The following NUP93 variants were observed in gnomAD, a reference collection of about 807,000 sequenced individuals.
NUP93 encodes the protein nucleoporin 93, also known as nuclear pore complex protein Nup93.
NUP93 carries 55 observed loss-of-function variants against 107.8 expected under a neutral mutation model. The observed-to-expected ratio is 0.51, with a 90% CI of 0.41 to 0.64. The LOEUF (loss-of-function observed/expected upper bound fraction) is 0.64. Ranked by LOEUF, NUP93 falls within the 30% of genes least tolerant of loss-of-function variation. NUP93 has a pLI of 0.00. For missense variants in NUP93, 937 were observed against 1,044.7 expected, an observed-to-expected ratio of 0.90 and a Z score of 1.42; for synonymous variants, 390 against 397.5, an observed-to-expected ratio of 0.98 and a Z score of 0.22.
rs1452955039 is a variant in NUP93 at position 56,847,591 on chromosome 16, C to CA, written c.*2983dup. On this transcript the variant is annotated 3_prime_UTR_variant, in exon 22 of 22. Transcript: ENST00000308159. The stretch of plus-strand genomic sequence containing the variant: ...GTACTGACTTGATCTGGATCCTTTT[C>CA]AGAGGCCTGGAGATTTAATTTCACA... 2 of 152,204 alleles carry CA rather than the reference C, an allele frequency of 1.3e-5. No individual in the cohort carries two copies. The highest frequency in any genetic ancestry group is 2.9e-5 in the Non-Finnish European group (2 of 68,044). The allele number at this position is 152,204 out of a possible 1,614,324, so 9.4% of individuals were successfully genotyped here.
rs76195679 is a variant in NUP93 at position 56,738,428 on chromosome 16, T to G, written c.-15+8217T>G. On this transcript the variant is annotated intron_variant, in intron 1 of 21. Transcript: ENST00000308159. Reference sequence around the variant, plus strand: ...CAGGAAAGCTGATACTACCCATTCCTTATTGCAAACATTGAGTCACTGAGG... The same window carrying G: ...CAGGAAAGCTGATACTACCCATTCCGTATTGCAAACATTGAGTCACTGAGG... 5.7e-3 allele frequency among the ~76,000 whole-genome samples: 870 copies of G among 152,384 alleles called. 14 individuals carry two copies. Among genetic ancestry groups the G allele is most frequent in the Admixed American group, 0.045 (687 of 15,308 alleles).
At chr16:56,769,199 A>G (rs1962274464) in intron 3 of NUP93, among the ~76,000 whole-genome samples, 1 of 152,220 alleles carries the variant, frequency 6.6e-6, no homozygotes, top group African/African-American at 2.4e-5. Flanking sequence ...AGGATGTATT[A>G]GAAGGAGGAA....
At chr16:56,802,191 G>A (rs1405021809) in intron 4 of NUP93, among the ~76,000 whole-genome samples, 2 of 152,136 alleles carry the variant, frequency 1.3e-5, no homozygotes, top group Non-Finnish European at 2.9e-5. Context: ...GGAGAGGCTA[G>A]AGGCTGAGGA....
chr16:56,732,384 C>T (rs1400489821), intron 1 of NUP93, among the ~76,000 whole-genome samples: 1 of 152,182 alleles, frequency 6.6e-6, no homozygotes, highest in Non-Finnish European at 1.5e-5. Context: ...ATGAGACAGG[C>T]CTGCCCTCAT....
In NUP93 at chr16:56,837,675, C is replaced by T. The variant is rs758034157; in HGVS notation, c.1967C>T (p.Pro656Leu). The change falls in exon 18 of 22, where the codon CCG (proline) becomes CTG (leucine). Residue 656 changes from proline to leucine, a missense_variant. By Grantham distance (98) the Pro-to-Leu change is moderately conservative. Transcript: ENST00000308159. ...LSPVVPQISA[P>L]QSNKERLKNM... ...CCTGTCGTCCCCCAGATCAGTGCCC[C>T]GCAATCCAACAAGGAGAGGCTGAAG... 23 of 1,614,028 alleles carry T rather than the reference C, an allele frequency of 1.4e-5. No homozygotes were observed. Among genetic ancestry groups the T allele is most frequent in the Middle Eastern group, 1.6e-4 (1 of 6,084 alleles).
chr16:56,805,615 T>G lies in NUP93; in HGVS notation c.472T>G (p.Phe158Val), dbSNP rs1963121244. The change falls in exon 5 of 22, where the codon TTT (phenylalanine) becomes GTT (valine). Residue 158 changes from phenylalanine (F) to valine (V), a missense_variant. Phe to Val is a conservative substitution (Grantham distance 50). Coordinates refer to ENST00000308159, the MANE Select transcript of NUP93 (RefSeq NM_014669.5). ...LLASGEDALDFTQESEPSYIS... is the reference protein window; with the variant it reads ...LLASGEDALDVTQESEPSYIS... ...GGCATCAGGAGAAGACGCCCTTGACTTTACTCAAGAAAGCGAGGTAGCTTG... is the reference window on the plus strand; with the variant it reads ...GGCATCAGGAGAAGACGCCCTTGACGTTACTCAAGAAAGCGAGGTAGCTTG... The G allele has an allele frequency of 1.2e-6, 2 of 1,613,696 alleles. No individual in the cohort carries two copies. Among genetic ancestry groups the G allele is most frequent in the African/African-American group, 2.7e-5 (2 of 74,904 alleles).
At chr16:56,769,620 C>T (rs1962283606) in intron 3 of NUP93, among the ~76,000 whole-genome samples, 1 of 152,098 alleles carries the variant, frequency 6.6e-6, no homozygotes, top group Non-Finnish European at 1.5e-5. Context: ...CTGTGAAATC[C>T]TGGAGCAGCT....
At chr16:56,833,474 A>C in intron 13 of NUP93, 68 bp downstream of exon 13, 2 of 1,265,182 alleles carry the variant, frequency 1.6e-6, no homozygotes, top group Non-Finnish European at 2.1e-6. Flanking sequence ...GACGGTGGCC[A>C]CAAAACCACA....
chr16:56,841,806 C>G lies in NUP93; in HGVS notation c.2322C>G (p.Pro774=). 1 of 1,614,216 alleles carries G rather than the reference C, an allele frequency of 6.2e-7. No homozygotes were observed. The highest frequency in any genetic ancestry group is 1.3e-5 in the African/African-American group (1 of 75,060). ...KGTSPSSSSR[P]QRVIEDRDSQ... The stretch of plus-strand genomic sequence containing the variant: ...CAAGTCCATCCTCGTCATCCAGGCC[C>G]CAGCGAGTCATCGAGGACCGCGACT... Residue 774 remains proline, a synonymous_variant, in exon 21 of 22, where the codon CCC becomes CCG. Transcript: ENST00000308159.
intron 10 of NUP93, among the ~76,000 whole-genome samples, chr16:56,830,952 G>T (rs1963772280): frequency 6.6e-6 from 1 of 152,178 alleles, no homozygotes; most frequent in Non-Finnish European, 1.5e-5. Context: ...AGGTTTAGGA[G>T]CATGATTTGA....
chr16:56,788,520 A>T lies in NUP93; in HGVS notation c.298-9956A>T, dbSNP rs185097549. Among the ~76,000 whole-genome samples, 450 of 152,276 alleles carry T rather than the reference A, an allele frequency of 3.0e-3. 4 individuals carry two copies. Among genetic ancestry groups the T allele is most frequent in the Non-Finnish European group, 2.7e-3 (186 of 68,014 alleles). On this transcript the variant is annotated intron_variant, in intron 3 of 21. Transcript: ENST00000308159. ...ATCATTTATCATTTTATTCATTTAT[A>T]TTATGCCCTTAACTTGTTTGCACTC...
chr16:56,788,867 C>T (rs2144534684), intron 3 of NUP93, among the ~76,000 whole-genome samples: 1 of 152,298 alleles, frequency 6.6e-6, no homozygotes, highest in African/African-American at 2.4e-5. Context: ...CTCCTCAGTA[C>T]CCCACCACAG....
intron 13 of NUP93, among the ~76,000 whole-genome samples, chr16:56,833,660 A>C (rs1954574378): frequency 1.5e-5 from 2 of 137,914 alleles, no homozygotes; most frequent in Admixed American, 8.4e-5. Flanking sequence ...GGCCAGTCTG[A>C]TTGCCTGGAA....
chr16:56,782,143 A>G (rs755664961), intron 3 of NUP93: 17 of 985,182 alleles, frequency 1.7e-5, no homozygotes, highest in Non-Finnish European at 2.0e-5. Flanking sequence ...ATCTCATATA[A>G]GAAGGTTTGG....
chr16:56,794,834 A>G (rs1183791752), intron 3 of NUP93, among the ~76,000 whole-genome samples: 2 of 146,220 alleles, frequency 1.4e-5, no homozygotes, highest in African/African-American at 5.1e-5. Flanking sequence ...AGGCTGAGGC[A>G]GGAGAATGGC....
rs138924629 is a variant in NUP93 at position 56,844,729 on chromosome 16, T to C, written c.*120T>C. The stretch of plus-strand genomic sequence containing the variant: ...GTTTTGTTTTGGTTTCTGTATTATG[T>C]ATTTTTGTCAACGCCAATAAATTTC... On this transcript the variant is annotated 3_prime_UTR_variant, in exon 22 of 22. Transcript: ENST00000308159. The C allele has an allele frequency of 4.7e-4, 209 of 445,086 alleles. 2 individuals are homozygous for C. In the East Asian group the frequency reaches 7.3e-3, roughly 15 times the overall value. The allele number at this position is 445,086 out of a possible 1,614,324, so 27.6% of individuals were successfully genotyped here.
intron 3 of NUP93, among the ~76,000 whole-genome samples, chr16:56,760,005 A>G (rs1032956418): frequency 1.3e-5 from 2 of 152,146 alleles, no homozygotes; most frequent in Non-Finnish European, 2.9e-5. Flanking sequence ...TTTTTACCTT[A>G]AGGTATTGAC....
intron 3 of NUP93, among the ~76,000 whole-genome samples, chr16:56,787,872 C>T (rs1402769157): frequency 1.3e-5 from 2 of 152,138 alleles, no homozygotes; most frequent in Non-Finnish European, 2.9e-5. Flanking sequence ...TTATCTTGCC[C>T]ATCACCTTAG....
In NUP93 at chr16:56,779,146, G is replaced by A. The variant is rs180725286; in HGVS notation, c.298-19330G>A. ...TCCCAGCAGCCTGGAGAACCTGGCA[G>A]AAGACAGAGCAGAGCCCACCAAGTA... On this transcript the variant is annotated intron_variant, in intron 3 of 21. Coordinates refer to ENST00000308159, the MANE Select transcript of NUP93 (RefSeq NM_014669.5). Among the ~76,000 whole-genome samples, 451 of 152,350 alleles carry A rather than the reference G, an allele frequency of 3.0e-3. 4 individuals are homozygous for A. Among genetic ancestry groups the A allele is most frequent in the Non-Finnish European group, 2.7e-3 (186 of 68,028 alleles).
Sources: gnomAD v4.1 joint callset for allele counts (sites outside exome capture counted in the v4.1 genomes callset) on GRCh38, gnomAD v4.1.1 for gene constraint, MANE v1.5 for transcripts, NCBI Gene and HGNC (gene_info 2026-07-23, HGNC 2026-07-21) for gene names.